Variants in KCNH1 observed in about 807,000 individuals in gnomAD.
The protein encoded by KCNH1 is voltage-gated delayed rectifier potassium channel KCNH1.
In KCNH1, 27 loss-of-function variants were observed where a neutral mutation model predicts 69.2. That is an observed-to-expected ratio of 0.39 (90% CI 0.29 to 0.54). KCNH1 has a LOEUF of 0.54. KCNH1 is among the 20% of genes least tolerant of loss of function. The pLI, the probability that KCNH1 is intolerant of heterozygous loss-of-function variation, is 0.68. For missense variants in KCNH1, 798 were observed against 1,261.6 expected (o/e 0.63, Z 5.57); for synonymous variants, 456 against 487.7 (o/e 0.93, Z 0.86).
chr1:210,993,094 C>A (rs1361014672), intron 6 of KCNH1, among the ~76,000 whole-genome samples: 1 of 152,186 alleles, frequency 6.6e-6, no homozygotes, highest in Admixed American at 6.5e-5. Context: ...TAAGCTTGCC[C>A]AACCCTCCCT....
At chr1:210,957,944 G>T (rs1688211188) in intron 6 of KCNH1, among the ~76,000 whole-genome samples, 1 of 152,206 alleles carries the variant, frequency 6.6e-6, no homozygotes, top group South Asian at 2.1e-4. Context: ...GTGTGAATTT[G>T]ATCCTGTCAT....
chr1:210,824,984 T>G (rs1685005234), intron 7 of KCNH1, among the ~76,000 whole-genome samples: 1 of 152,210 alleles, frequency 6.6e-6, no homozygotes, highest in African/African-American at 2.4e-5. Flanking sequence ...TTATAAAAAG[T>G]CTTTTTATTG....
At chr1:210,911,631 CAA>C (rs61661527) in intron 7 of KCNH1, among the ~76,000 whole-genome samples, 76 of 104,872 alleles carry the variant, frequency 7.2e-4, no homozygotes, top group African/African-American at 1.3e-3. Flanking sequence ...ATTTTCAAAG[CAA>C]AAAAAAAAAA....
At chr1:210,713,533 G>T (rs1190325548) in intron 10 of KCNH1, among the ~76,000 whole-genome samples, 2 of 152,158 alleles carry the variant, frequency 1.3e-5, no homozygotes, top group African/African-American at 2.4e-5. Flanking sequence ...CTCTTTCCTT[G>T]CTCTCCATAA....
At chr1:210,732,590 T>G (rs1008231101) in intron 10 of KCNH1, among the ~76,000 whole-genome samples, 2 of 152,218 alleles carry the variant, frequency 1.3e-5, no homozygotes, top group Non-Finnish European at 2.9e-5. Context: ...AGGCCTATCT[T>G]AGTCCATTGG....
At chr1:211,113,336 C>T (rs542287699) in intron 1 of KCNH1, among the ~76,000 whole-genome samples, 4 of 152,072 alleles carry the variant, frequency 2.6e-5, no homozygotes, top group Non-Finnish European at 5.9e-5. Flanking sequence ...CTATGAATAC[C>T]GTTATTGTAG....
chr1:211,031,996 G>C (rs1476584973), intron 5 of KCNH1, among the ~76,000 whole-genome samples: 1 of 152,202 alleles, frequency 6.6e-6, no homozygotes, highest in Non-Finnish European at 1.5e-5. Flanking sequence ...TGACATGATT[G>C]TATATCTAGA....
rs540552164 is a variant in KCNH1 at position 211,134,131 on chromosome 1, C to A, written c.-186G>T. 2 of 479,904 alleles carry A rather than the reference C, an allele frequency of 4.2e-6. No individual in the cohort carries two copies. The highest frequency in any genetic ancestry group is 2.1e-5 in the African/African-American group (1 of 48,444). 29.7% of individuals were successfully genotyped at this position (479,904 alleles called of 1,614,324 possible). Reference sequence around the variant, plus strand: ...CGCCCTCTTCGCGCCTCCCTCCCTGCGGCCCGCCTCGCAGTGCACTCGCGC... The same window carrying A: ...CGCCCTCTTCGCGCCTCCCTCCCTGAGGCCCGCCTCGCAGTGCACTCGCGC... On this transcript the variant is annotated 5_prime_UTR_variant, in exon 1 of 11. Transcript: ENST00000271751. The surrounding 1 kb of genome is among the most constrained non-coding windows in gnomAD (Gnocchi z 5.7).
chr1:210,963,493 G>A (rs564138776), intron 6 of KCNH1, among the ~76,000 whole-genome samples: 1 of 152,074 alleles, frequency 6.6e-6, no homozygotes, highest in South Asian at 2.1e-4. Context: ...ACTCCTCTGA[G>A]CTAAAGGAGC....
chr1:210,991,173 C>T (rs1451022473), intron 6 of KCNH1, among the ~76,000 whole-genome samples: 1 of 152,180 alleles, frequency 6.6e-6, no homozygotes. Context: ...GCAGGCATTA[C>T]TATTCACAAT....
intron 7 of KCNH1, among the ~76,000 whole-genome samples, chr1:210,833,732 T>C (rs941564457): frequency 3.9e-5 from 6 of 152,064 alleles, no homozygotes; most frequent in Non-Finnish European, 8.8e-5. Flanking sequence ...GAAACTACCA[T>C]TAGAGTGAAC....
At position 210,788,699 on chromosome 1, in the gene KCNH1, T is replaced by C. The variant is rs1452944317; in HGVS notation, c.1915+8809A>G. On this transcript the variant is annotated intron_variant, in intron 9 of 10. Coordinates refer to ENST00000271751, the MANE Select transcript of KCNH1 (RefSeq NM_172362.3). ...ATAGCTTCTTTCTTTTTTTTTTTTTTTTTTTTTTTTTTTTTGAGACGGAGT... is the reference window on the plus strand; with the variant it reads ...ATAGCTTCTTTCTTTTTTTTTTTTTCTTTTTTTTTTTTTTTGAGACGGAGT... Among the ~76,000 whole-genome samples the C allele has an allele frequency of 2.1e-3, 197 of 94,668 alleles. 5 individuals carry two copies. The highest frequency in any genetic ancestry group is 7.4e-3 in the African/African-American group (184 of 24,840). The allele number at this position is 94,668 out of a possible 152,430, so 62.1% of individuals were successfully genotyped here.
chr1:210,791,144 CA>C (rs1220463357), intron 9 of KCNH1, among the ~76,000 whole-genome samples: 1 of 152,096 alleles, frequency 6.6e-6, no homozygotes, highest in African/African-American at 2.4e-5. Context: ...TGTGGTATGT[CA>C]AAAAAGTGAA....
intron 10 of KCNH1, among the ~76,000 whole-genome samples, chr1:210,724,330 G>A (rs752405216): frequency 6.6e-6 from 1 of 152,108 alleles, no homozygotes; most frequent in Non-Finnish European, 1.5e-5. Context: ...TGATTTCAAT[G>A]TGCAGCCAAG....
chr1:211,044,460 C>T (rs1223238784), intron 5 of KCNH1, among the ~76,000 whole-genome samples: 2 of 152,150 alleles, frequency 1.3e-5, no homozygotes, highest in African/African-American at 4.8e-5. Flanking sequence ...GAGCAGTCAG[C>T]AGAGTAAACA....
intron 9 of KCNH1, among the ~76,000 whole-genome samples, chr1:210,778,243 G>T (rs1770214): frequency 0.61 from 92,748 of 152,040 alleles, 28,774 homozygotes; most frequent in African/African-American, 0.66. Flanking sequence ...GAAACAATAA[G>T]AAGTTTCTTA....
chr1:210,809,387 C>A (rs1047377363), intron 7 of KCNH1, among the ~76,000 whole-genome samples: 1 of 152,040 alleles, frequency 6.6e-6, no homozygotes. Context: ...GGCTGGGAAG[C>A]ATAGCCTCCA....
intron 10 of KCNH1, among the ~76,000 whole-genome samples, chr1:210,710,746 C>T (rs1309199741): frequency 6.6e-6 from 1 of 151,888 alleles, no homozygotes; most frequent in African/African-American, 2.4e-5. Context: ...CAAACGCTGG[C>T]TCCTTTTACC....
intron 9 of KCNH1, among the ~76,000 whole-genome samples, chr1:210,781,423 C>T (rs1442897653): frequency 6.6e-6 from 1 of 152,054 alleles, no homozygotes; most frequent in African/African-American, 2.4e-5. Context: ...GTCCTCATGC[C>T]ATTTCAGGAC....
Sources: allele counts gnomAD v4.1 joint callset (sites outside exome capture counted in the v4.1 genomes callset), GRCh38; gene constraint gnomAD v4.1.1; non-coding constraint Gnocchi (gnomAD v3.1); transcripts MANE v1.5; gene names NCBI Gene and HGNC (gene_info 2026-07-23, HGNC 2026-07-21).